UNC13C: variants seen among roughly 807,000 people sequenced by gnomAD.
The protein encoded by UNC13C is unc-13 homolog C.
A neutral mutation model predicts 245.4 loss-of-function variants in UNC13C; 174 were observed. That is an observed-to-expected ratio of 0.71 (90% confidence interval 0.63 to 0.80). The LOEUF (loss-of-function observed/expected upper bound fraction) is 0.80. UNC13C is among the 30% of genes least tolerant of loss of function. UNC13C has a pLI of 0.00. For synonymous variants in UNC13C, 992 were observed against 895.1 expected (o/e 1.11, Z -1.93); for missense variants, 2,829 against 2,602.9 (o/e 1.09, Z -1.89).
chr15:54,277,011 AT>A (rs551805968), intron 10 of UNC13C, among the ~76,000 whole-genome samples: 53 of 152,082 alleles, frequency 3.5e-4, no homozygotes, highest in Non-Finnish European at 6.3e-4. Flanking sequence ...TTTACTGTTA[AT>A]TTAAAAAATT....
At chr15:54,235,311 C>G (rs942160336) in intron 5 of UNC13C, among the ~76,000 whole-genome samples, 18 of 152,094 alleles carry the variant, frequency 1.2e-4, no homozygotes, top group African/African-American at 4.3e-4. Context: ...CCTTTGATAG[C>G]TTTTGATATA....
intron 2 of UNC13C, among the ~76,000 whole-genome samples, chr15:54,070,094 C>T (rs1045174080): frequency 6.6e-6 from 1 of 152,324 alleles, no homozygotes; most frequent in Non-Finnish European, 1.5e-5. Context: ...GATTCCGAAG[C>T]CCCTACTGGG....
At chr15:53,962,124 A>G in the UNC13C span, among the ~76,000 whole-genome samples, 2 of 152,134 alleles carry the variant, frequency 1.3e-5, no homozygotes, top group Non-Finnish European at 2.9e-5. Flanking sequence ...AATCCATGAC[A>G]TTGATGATAG....
chr15:54,541,868 T>G (rs1280193200), intron 26 of UNC13C, among the ~76,000 whole-genome samples: 1 of 152,112 alleles, frequency 6.6e-6, no homozygotes, highest in Non-Finnish European at 1.5e-5. Flanking sequence ...TATATACACC[T>G]TTGCCATGTT....
chr15:53,943,745 A>T, the UNC13C span, among the ~76,000 whole-genome samples: 2 of 151,860 alleles, frequency 1.3e-5, no homozygotes, highest in African/African-American at 4.8e-5. Context: ...TGATTTGTCT[A>T]TTTCTCCTTT....
At chr15:54,424,717 G>A (rs150977367) in intron 19 of UNC13C, among the ~76,000 whole-genome samples, 3 of 151,754 alleles carry the variant, frequency 2.0e-5, no homozygotes, top group Non-Finnish European at 4.4e-5. Flanking sequence ...AATAGAATTA[G>A]GGGCAAGAAA....
chr15:54,505,112 C>T (rs904110493), intron 22 of UNC13C, among the ~76,000 whole-genome samples: 6 of 152,156 alleles, frequency 3.9e-5, no homozygotes, highest in African/African-American at 1.4e-4. Context: ...AAAGAGCCCT[C>T]TACTCCTCAT....
intron 30 of UNC13C, among the ~76,000 whole-genome samples, chr15:54,615,533 C>G (rs1392322007): frequency 6.6e-6 from 1 of 151,934 alleles, no homozygotes; most frequent in Admixed American, 6.6e-5. Flanking sequence ...TACACACTGC[C>G]ATATGGAGAA....
chr15:54,495,523 T>C (rs1022722554), intron 20 of UNC13C, among the ~76,000 whole-genome samples: 1 of 151,854 alleles, frequency 6.6e-6, no homozygotes, highest in African/African-American at 2.4e-5. Flanking sequence ...CTTTATAAAA[T>C]TTGCCAGGTT....
chr15:54,546,758 C>T lies in UNC13C; in HGVS notation c.5733C>T (p.Val1911=), dbSNP rs751918318. 1.6e-5 allele frequency: 25 copies of T among 1,543,916 alleles called. No individual in the cohort carries two copies. In the South Asian group the frequency reaches 3.0e-4, roughly 19 times the overall value. ...CAGCAAAAATCTGTGAGAAAACAGTCCTAAAGCGAGTTTTAAAAGAGTTAT... is the reference window on the plus strand; with the variant it reads ...CAGCAAAAATCTGTGAGAAAACAGTTCTAAAGCGAGTTTTAAAAGAGTTAT... ...SLSAKICEKT[V]LKRVLKELWK... is the part of the protein sequence containing the mutation. Residue 1911 remains valine (V), a synonymous_variant, in exon 27 of 33, where the codon GTC becomes GTT. Coordinates refer to ENST00000260323, the MANE Select transcript of UNC13C (RefSeq NM_001080534.3).
intron 2 of UNC13C, among the ~76,000 whole-genome samples, chr15:54,131,945 C>T (rs1034666952): frequency 5.9e-5 from 9 of 152,142 alleles, no homozygotes; most frequent in Non-Finnish European, 8.8e-5. Flanking sequence ...ATGAGTCCTT[C>T]CCAAACCCAA....
chr15:54,604,256 A>G (rs556428609), intron 30 of UNC13C, among the ~76,000 whole-genome samples: 1 of 152,328 alleles, frequency 6.6e-6, no homozygotes, highest in Admixed American at 6.5e-5. Flanking sequence ...AGTATGAGTT[A>G]AAGAATGTAT....
the UNC13C span, among the ~76,000 whole-genome samples, chr15:53,918,900 A>G: frequency 1.3e-5 from 2 of 152,262 alleles, no homozygotes; most frequent in Non-Finnish European, 2.9e-5. Flanking sequence ...GAGACGAGCA[A>G]TTTTTCGACA....
intron 4 of UNC13C, among the ~76,000 whole-genome samples, chr15:54,154,560 G>T (rs995320151): frequency 1.3e-5 from 2 of 152,106 alleles, no homozygotes; most frequent in African/African-American, 4.8e-5. Flanking sequence ...CCAAATTTCA[G>T]TATATTAATT....
intron 4 of UNC13C, among the ~76,000 whole-genome samples, chr15:54,182,210 C>T (rs11635419): frequency 0.015 from 2,288 of 151,962 alleles, 21 homozygotes; most frequent in Admixed American, 0.026. Context: ...CATGTTCCTT[C>T]GATGCCTAGT....
chr15:54,041,719 A>G (rs1261421312), intron 2 of UNC13C, among the ~76,000 whole-genome samples: 3 of 152,216 alleles, frequency 2.0e-5, no homozygotes, highest in Non-Finnish European at 2.9e-5. Context: ...TGAAAATAAT[A>G]TTACCTCATG....
Position 54,115,996 on chromosome 15 carries a change from A to T in UNC13C, c.2984-27022A>T, listed in dbSNP as rs570678448. ...TGGGTTATTTTTATAGTCATTTTAA[A>T]TTTTTTTAATTGAGATAAAATATAC... On this transcript the variant is annotated intron_variant, in intron 2 of 32. Transcript: ENST00000260323. 2.6e-5 allele frequency among the ~76,000 whole-genome samples: 4 copies of T among 152,190 alleles called. No individual in the cohort carries two copies. In the East Asian group the frequency reaches 5.8e-4, roughly 22 times the overall value.
the UNC13C span, among the ~76,000 whole-genome samples, chr15:53,892,375 G>T: frequency 6.6e-6 from 1 of 152,106 alleles, no homozygotes; most frequent in East Asian, 1.9e-4. Context: ...TTCTCGAGGA[G>T]TATCTTTGTG....
intron 2 of UNC13C, among the ~76,000 whole-genome samples, chr15:54,054,016 C>T (rs991352612): frequency 6.6e-6 from 1 of 152,178 alleles, no homozygotes; most frequent in East Asian, 1.9e-4. Context: ...TTTCTTCATC[C>T]ATTCGTCTGA....
Sources: allele counts gnomAD v4.1 joint callset (sites outside exome capture counted in the v4.1 genomes callset), GRCh38; gene constraint gnomAD v4.1.1; transcripts MANE v1.5; gene names NCBI Gene and HGNC (gene_info 2026-07-23, HGNC 2026-07-21).